BAZ1A: variants seen among roughly 807,000 people sequenced by gnomAD.
BAZ1A encodes the protein bromodomain adjacent to zinc finger domain protein 1A.
BAZ1A carries 50 observed loss-of-function variants against 185.2 expected under a neutral mutation model. The observed-to-expected ratio is 0.27, with a 90% CI of 0.22 to 0.34. The LOEUF (loss-of-function observed/expected upper bound fraction) is 0.34. Ranked by LOEUF, BAZ1A falls within the 10% of genes least tolerant of loss-of-function variation. The probability of loss-of-function intolerance (pLI) is 1.00; values close to 1 mark genes in which losing one functional copy is unlikely to be tolerated. For synonymous variants in BAZ1A, 571 were observed against 615.6 expected (o/e 0.93, Z 1.07); for missense variants, 1,356 against 1,839.9 (o/e 0.74, Z 4.81).
intron 3 of BAZ1A, among the ~76,000 whole-genome samples, chr14:34,832,211 C>CATATATATATATATAT (rs1181710627): frequency 1.1e-3 from 74 of 65,502 alleles, no homozygotes; most frequent in African/African-American, 3.4e-3. Flanking sequence ...CACACACACA[C>CATATATATATATATAT]ACACATATAT....
Position 34,776,518 on chromosome 14 carries a change from G to A in BAZ1A, c.2237-3C>T, listed in dbSNP as rs188662130. On this transcript the variant is annotated splice_region_variant and splice_polypyrimidine_tract_variant and intron_variant, in intron 17 of 26. Transcript: ENST00000360310. The stretch of plus-strand genomic sequence containing the variant: ...AAATCCATTTTGTCCTCTTTTCCCT[G>A]TAATTAAAATAAAATGTTTCATCAT... 3.6e-4 allele frequency: 554 copies of A among 1,559,204 alleles called. No homozygotes were observed. In the African/African-American group the frequency reaches 7.1e-3, roughly 20 times the overall value.
chr14:34,824,804 C>T (rs2042142043), intron 4 of BAZ1A, among the ~76,000 whole-genome samples: 1 of 152,094 alleles, frequency 6.6e-6, no homozygotes, highest in Non-Finnish European at 1.5e-5. Context: ...CTTTTTTAAA[C>T]ATTATGGTAC....
chr14:34,818,838 T>C (rs1394804779), intron 4 of BAZ1A, among the ~76,000 whole-genome samples: 1 of 151,974 alleles, frequency 6.6e-6, no homozygotes, highest in East Asian at 1.9e-4. Flanking sequence ...GCTAAATTAA[T>C]CTATGATAAG....
chr14:34,868,592 G>A (rs534276385), intron 2 of BAZ1A, among the ~76,000 whole-genome samples: 4 of 152,240 alleles, frequency 2.6e-5, no homozygotes, highest in African/African-American at 9.6e-5. Flanking sequence ...TCACAAGTCA[G>A]GAGGTCAAGA....
intron 9 of BAZ1A, among the ~76,000 whole-genome samples, chr14:34,796,791 C>T (rs909064821): frequency 1.7e-4 from 26 of 152,110 alleles, no homozygotes; most frequent in East Asian, 5.8e-4. Context: ...CAACATAAAA[C>T]GCCTAGATAG....
chr14:34,823,206 C>G (rs1566580897), intron 4 of BAZ1A, among the ~76,000 whole-genome samples: 1 of 151,668 alleles, frequency 6.6e-6, no homozygotes, highest in African/African-American at 2.4e-5. Flanking sequence ...AATATAAAAC[C>G]TAGCTGGGAG....
chr14:34,770,936 GA>G (rs3062585), intron 21 of BAZ1A, among the ~76,000 whole-genome samples: 1,719 of 149,464 alleles, frequency 0.012, 33 homozygotes, highest in African/African-American at 0.039. Flanking sequence ...TCAAATAACA[GA>G]AAAAAAAAAA....
At chr14:34,762,885 A>C (rs545145181) in intron 23 of BAZ1A, among the ~76,000 whole-genome samples, 124 of 152,334 alleles carry the variant, frequency 8.1e-4, no homozygotes, top group African/African-American at 2.9e-3. Flanking sequence ...CATGTTGGAA[A>C]ACTTAAGAGT....
At position 34,810,922 on chromosome 14, in the gene BAZ1A, TAGTG is replaced by T. The variant is rs2041920366; in HGVS notation, c.638+9_638+12del. 1.9e-6 allele frequency: 3 copies of T among 1,543,374 alleles called. No homozygotes were observed. The highest frequency in any genetic ancestry group is 2.7e-6 in the Non-Finnish European group (3 of 1,119,720). On this transcript the variant is annotated intron_variant, in intron 5 of 26. Coordinates refer to ENST00000360310, the MANE Select transcript of BAZ1A (RefSeq NM_013448.3). Reference sequence around the variant, plus strand: ...CTACTTTAAACTACTATTGAGAAGATAGTGAGTTTTACCTGATTTGTGTTGCTTT... The same window carrying T: ...CTACTTTAAACTACTATTGAGAAGATAGTTTTACCTGATTTGTGTTGCTTT...
intron 3 of BAZ1A, among the ~76,000 whole-genome samples, chr14:34,858,464 G>T (rs906262217): frequency 2.0e-5 from 3 of 152,008 alleles, no homozygotes; most frequent in Non-Finnish European, 4.4e-5. Flanking sequence ...TTACAGAGAA[G>T]AAAAAACATC....
chr14:34,842,212 A>C (rs2042425837), intron 3 of BAZ1A, among the ~76,000 whole-genome samples: 1 of 151,476 alleles, frequency 6.6e-6, no homozygotes, highest in Non-Finnish European at 1.5e-5. Flanking sequence ...ACCTTCAAAG[A>C]AAAAAAAAGG....
chr14:34,787,265 A>T (rs1594839273), intron 12 of BAZ1A, among the ~76,000 whole-genome samples: 1 of 149,018 alleles, frequency 6.7e-6, no homozygotes, highest in African/African-American at 2.5e-5. Flanking sequence ...AGGCAGGAGA[A>T]TCACTTGAAC....
intron 3 of BAZ1A, among the ~76,000 whole-genome samples, chr14:34,840,970 T>G (rs190757467): frequency 1.3e-5 from 2 of 151,874 alleles, no homozygotes; most frequent in Non-Finnish European, 2.9e-5. Flanking sequence ...TTTTTTGAGA[T>G]GGAGTTTCGC....
chr14:34,759,129 A>G (rs1886396678), intron 24 of BAZ1A, among the ~76,000 whole-genome samples: 1 of 137,586 alleles, frequency 7.3e-6, no homozygotes, highest in Non-Finnish European at 1.6e-5. Flanking sequence ...AAGTTTTTGG[A>G]TTATTTTTAC....
chr14:34,819,129 A>C (rs1470597740), intron 4 of BAZ1A, among the ~76,000 whole-genome samples: 1 of 123,844 alleles, frequency 8.1e-6, no homozygotes, highest in Admixed American at 9.3e-5. Flanking sequence ...CGACAGAGCA[A>C]GACTCTGTCT....
At chr14:34,777,732 C>A (rs1879740203) in intron 17 of BAZ1A, among the ~76,000 whole-genome samples, 1 of 151,912 alleles carries the variant, frequency 6.6e-6, no homozygotes, top group East Asian at 1.9e-4. Context: ...TGGCTTACAT[C>A]TGTAATCCCA....
In BAZ1A at chr14:34,874,855, C is replaced by A. The variant is rs1462685929; in HGVS notation, c.-58-193G>T. ...CGGAGCCGCCGCCGCCCCTGCCCCC[C>A]GAGCGCGCCCTACCTCCTCTCGTCC... On this transcript the variant is annotated intron_variant, in intron 1 of 26. Transcript: ENST00000360310. The surrounding 1 kb of genome is among the most constrained non-coding windows in gnomAD (Gnocchi z 4.7). 13 of 402,388 alleles carry A rather than the reference C, an allele frequency of 3.2e-5. No individual in the cohort carries two copies. Among genetic ancestry groups the A allele is most frequent in the Middle Eastern group, 6.8e-4 (1 of 1,464 alleles). 24.9% of individuals were successfully genotyped at this position (402,388 alleles called of 1,614,324 possible). A position where few individuals can be genotyped will look rare whatever the true frequency, so the allele number is the denominator to read the frequency against.
chr14:34,845,299 GA>G (rs1816114401), intron 3 of BAZ1A: 1 of 137,126 alleles, frequency 7.3e-6, no homozygotes, highest in Non-Finnish European at 1.5e-5. Context: ...TGGAGGGGAA[GA>G]GGGGCTTTCC....
intron 12 of BAZ1A, among the ~76,000 whole-genome samples, chr14:34,788,162 C>A (rs1442359763): frequency 6.6e-6 from 1 of 151,990 alleles, no homozygotes; most frequent in South Asian, 2.1e-4. Flanking sequence ...GGATTACAGG[C>A]ACCCGCCACC....
Sources: allele counts gnomAD v4.1 joint callset (sites outside exome capture counted in the v4.1 genomes callset), GRCh38; gene constraint gnomAD v4.1.1; non-coding constraint Gnocchi (gnomAD v3.1); transcripts MANE v1.5; gene names NCBI Gene and HGNC (gene_info 2026-07-23, HGNC 2026-07-21).